KLHL42: variants seen among roughly 807,000 people sequenced by gnomAD.
The protein encoded by KLHL42 is kelch like family member 42.
Under a neutral mutation model 32.7 loss-of-function variants are expected in KLHL42, and 27 were observed. The observed-to-expected ratio is 0.83, with a 90% confidence interval of 0.61 to 1.14. The LOEUF (loss-of-function observed/expected upper bound fraction) is 1.14. Ranked by LOEUF, KLHL42 falls within the 50% of genes most tolerant of loss-of-function variation. The pLI is 0.00. For synonymous variants in KLHL42, 267 were observed against 248.2 expected (o/e 1.08, Z -0.71); for missense variants, 491 against 560.8 (o/e 0.88, Z 1.26).
Position 27,797,407 on chromosome 12 carries a change from G to A in KLHL42, c.1067-308G>A, listed in dbSNP as rs1418370266. ...GCACTTACTTTTTTTACACTGACCT[G>A]GTGGTTCAAAGGTGTGGGGATACCA... On this transcript the variant is annotated intron_variant, in intron 2 of 2. Transcript: ENST00000381271. 3 of 518,936 alleles carry A rather than the reference G, an allele frequency of 5.8e-6. No homozygotes were observed. The Admixed American group carries it at 6.8e-5, about 12-fold the overall frequency. The allele number at this position is 518,936 out of a possible 1,614,324, so 32.1% of individuals were successfully genotyped here.
rs1185983375 is a variant in KLHL42, at chr12:27,799,685, G to A, written c.*1519G>A. 6.6e-6 allele frequency: 1 copy of A among 152,648 alleles called. No individual in the cohort carries two copies. Among genetic ancestry groups the A allele is most frequent in the Non-Finnish European group, 1.5e-5 (1 of 68,048 alleles). The allele number at this position is 152,648 out of a possible 1,614,324, so 9.5% of individuals were successfully genotyped here. On this transcript the variant is annotated 3_prime_UTR_variant, in exon 3 of 3. Coordinates refer to ENST00000381271, the MANE Select transcript of KLHL42 (RefSeq NM_020782.2). ...TCAGTTTATTAGAGGAGTGACTACAGGTTTTCTTTACAACCATGGCCTCTA... is the reference window on the plus strand; with the variant it reads ...TCAGTTTATTAGAGGAGTGACTACAAGTTTTCTTTACAACCATGGCCTCTA...
chr12:27,792,585 G>A (rs4930973), intron 2 of KLHL42, among the ~76,000 whole-genome samples: 44,593 of 152,006 alleles, frequency 0.29, 7,181 homozygotes, highest in Non-Finnish European at 0.36. Context: ...GTGCAGTGGC[G>A]TGATCTCGGC....
chr12:27,782,114 G>A (rs1565481167), intron 1 of KLHL42, among the ~76,000 whole-genome samples: 1 of 152,182 alleles, frequency 6.6e-6, no homozygotes, highest in Non-Finnish European at 1.5e-5. Context: ...CCATCCACGT[G>A]TTTCCATCTC....
At position 27,799,868 on chromosome 12, in the gene KLHL42, T is replaced by G; in HGVS notation, c.*1702T>G. 2.0e-6 allele frequency: 1 copy of G among 502,216 alleles called. No individual in the cohort carries two copies. The highest frequency in any genetic ancestry group is 2.6e-6 in the Non-Finnish European group (1 of 388,356). 31.1% of individuals were successfully genotyped at this position (502,216 alleles called of 1,614,324 possible). A position where few individuals can be genotyped will look rare whatever the true frequency, so the allele number is the denominator to read the frequency against. ...ATCTTACCTCTAGTCTACTTACAAC[T>G]TTGTAAGGGTTTCTAAGCTATGCCC... On this transcript the variant is annotated 3_prime_UTR_variant, in exon 3 of 3. Transcript: ENST00000381271.
At position 27,800,351 on chromosome 12, in the gene KLHL42, GGT is replaced by G. The variant is rs1555112845; in HGVS notation, c.*2206_*2207del. ...GTTTGAGGTTGTGTGTGTGTGTGGG[GGT>G]GTGTGTGTGTGTGTGTGTGTATGTT... is the stretch of plus-strand genomic sequence containing the variant. On this transcript the variant is annotated 3_prime_UTR_variant, in exon 3 of 3. Coordinates refer to ENST00000381271, the MANE Select transcript of KLHL42 (RefSeq NM_020782.2). 13 of 932,120 alleles carry G rather than the reference GGT, an allele frequency of 1.4e-5. No individual in the cohort carries two copies. The highest frequency in any genetic ancestry group is 5.5e-4 in the Middle Eastern group (1 of 1,828). The allele number at this position is 932,120 out of a possible 1,614,324, so 57.7% of individuals were successfully genotyped here.
At position 27,798,169 on chromosome 12, in the gene KLHL42, G is replaced by C. The variant is rs375086883; in HGVS notation, c.*3G>C. 57 of 771,332 alleles carry C rather than the reference G, an allele frequency of 7.4e-5. No individual in the cohort carries two copies. In the African/African-American group the frequency reaches 9.4e-4, roughly 13 times the overall value. The allele number at this position is 771,332 out of a possible 1,614,324, so 47.8% of individuals were successfully genotyped here. A position where few individuals can be genotyped will look rare whatever the true frequency, so the allele number is the denominator to read the frequency against. On this transcript the variant is annotated 3_prime_UTR_variant, in exon 3 of 3. Transcript: ENST00000381271. The stretch of plus-strand genomic sequence containing the variant: ...TGCCCAATAAAGCAGAAACATGACT[G>C]AATTGAATTGGTAGATGAAAAAAAC...
Position 27,798,331 on chromosome 12 carries a change from A to G in KLHL42, c.*165A>G, listed in dbSNP as rs536868621. 1.1e-4 allele frequency: 58 copies of G among 550,910 alleles called. 1 individual carries two copies. In the South Asian group the frequency reaches 1.5e-3, roughly 14 times the overall value. The allele number at this position is 550,910 out of a possible 1,614,324, so 34.1% of individuals were successfully genotyped here. A position where few individuals can be genotyped will look rare whatever the true frequency, so the allele number is the denominator to read the frequency against. On this transcript the variant is annotated 3_prime_UTR_variant, in exon 3 of 3. Coordinates refer to ENST00000381271, the MANE Select transcript of KLHL42 (RefSeq NM_020782.2). ...GCTTACTTGAACTAATTACTTGAAA[A>G]CTGGTGGAAAAAAGAGACCAACTTT...
In KLHL42 at chr12:27,802,749, A is replaced by G. The variant is rs1182110972; in HGVS notation, c.*4583A>G. The G allele has an allele frequency of 6.6e-6, 1 of 152,602 alleles. No homozygotes were observed. Among genetic ancestry groups the G allele is most frequent in the African/African-American group, 2.4e-5 (1 of 41,436 alleles). The allele number at this position is 152,602 out of a possible 1,614,324, so 9.5% of individuals were successfully genotyped here. ...TTACGTTGTCATTTTTCCTATTAAA[A>G]AAAACCCTTAAGAATGGGGCACTTG... On this transcript the variant is annotated 3_prime_UTR_variant, in exon 3 of 3. Transcript: ENST00000381271.
intron 1 of KLHL42, among the ~76,000 whole-genome samples, chr12:27,785,900 T>C (rs762268117): frequency 3.9e-5 from 6 of 152,224 alleles, no homozygotes; most frequent in Admixed American, 3.3e-4. Context: ...ATAGTGAACA[T>C]TTTTACCTTG....
intron 2 of KLHL42, chr12:27,797,203 T>G (rs1384781908): frequency 4.4e-6 from 2 of 456,084 alleles, no homozygotes; most frequent in Admixed American, 4.7e-5. Flanking sequence ...GGTGAGACTT[T>G]GCTGCCTTTC....
At chr12:27,782,978 G>T (rs1295855522) in intron 1 of KLHL42, among the ~76,000 whole-genome samples, 2 of 152,024 alleles carry the variant, frequency 1.3e-5, no homozygotes, top group African/African-American at 4.8e-5. Flanking sequence ...TATAAATACA[G>T]TTAACCCTTA....
Position 27,800,962 on chromosome 12 carries a change from T to A in KLHL42, c.*2796T>A, listed in dbSNP as rs2062244830. On this transcript the variant is annotated 3_prime_UTR_variant, in exon 3 of 3. Transcript: ENST00000381271. ...ATGGTAGAGAGTCCTGTGTGTGGGT[T>A]GTTAGAAGGTTGGTTCTTCCTGTTA... The A allele has an allele frequency of 6.6e-6, 1 of 152,216 alleles. No homozygotes were observed. Among genetic ancestry groups the A allele is most frequent in the Non-Finnish European group, 1.5e-5 (1 of 68,036 alleles). 9.4% of individuals were successfully genotyped at this position (152,216 alleles called of 1,614,324 possible).
intron 2 of KLHL42, among the ~76,000 whole-genome samples, chr12:27,794,912 GA>G (rs571406816): frequency 1.5e-3 from 193 of 133,014 alleles, no homozygotes; most frequent in East Asian, 8.3e-3. Context: ...ACATATAATT[GA>G]AAAAAAAAAA....
intron 1 of KLHL42, among the ~76,000 whole-genome samples, chr12:27,787,127 G>T (rs771583654): frequency 6.6e-6 from 1 of 152,126 alleles, no homozygotes; most frequent in African/African-American, 2.4e-5. Flanking sequence ...TAGGCCAAGT[G>T]TGCAACACTG....
At chr12:27,797,419 G>T in intron 2 of KLHL42, 2 of 522,764 alleles carry the variant, frequency 3.8e-6, no homozygotes, top group East Asian at 4.6e-5. Flanking sequence ...TGGTTCAAAG[G>T]TGTGGGGATA....
rs562782440 is a variant in KLHL42 at position 27,799,738 on chromosome 12, A to G, written c.*1572A>G. The G allele has an allele frequency of 6.5e-6, 1 of 153,930 alleles. No homozygotes were observed. The highest frequency in any genetic ancestry group is 1.4e-5 in the Non-Finnish European group (1 of 69,212). 9.5% of individuals were successfully genotyped at this position (153,930 alleles called of 1,614,324 possible). A position where few individuals can be genotyped will look rare whatever the true frequency, so the allele number is the denominator to read the frequency against. ...ATACTTAAAATAAGCGTCCAGTTAT[A>G]AAAAGCCTATTTGCACAACTTTTTG... On this transcript the variant is annotated 3_prime_UTR_variant, in exon 3 of 3. Coordinates refer to ENST00000381271, the MANE Select transcript of KLHL42 (RefSeq NM_020782.2).
intron 2 of KLHL42, among the ~76,000 whole-genome samples, chr12:27,796,464 T>C (rs1419767054): frequency 6.6e-6 from 1 of 152,224 alleles, no homozygotes; most frequent in African/African-American, 2.4e-5. Flanking sequence ...TCATTCTGTT[T>C]ATAACTCAGA....
rs375277321 is a variant in KLHL42 at position 27,791,714 on chromosome 12, C to T, written c.879C>T (p.Asn293=). ...CTTTGTGTCTCTCTTTCAGGTCTAACTTCAAACTTGTGGCTGTTAATTCAA... is the reference window on the plus strand; with the variant it reads ...CTTTGTGTCTCTCTTTCAGGTCTAATTTCAAACTTGTGGCTGTTAATTCAA... ...QVASMNQKRS[N]FKLVAVNSKL... Residue 293 remains asparagine, a synonymous_variant, in exon 2 of 3, where the codon AAC becomes AAT. Coordinates refer to ENST00000381271, the MANE Select transcript of KLHL42 (RefSeq NM_020782.2). 3.1e-6 allele frequency: 5 copies of T among 1,613,662 alleles called. No individual in the cohort carries two copies. In the African/African-American group the frequency reaches 6.7e-5, roughly 22 times the overall value.
At position 27,802,004 on chromosome 12, in the gene KLHL42, C is replaced by T. The variant is rs114619503; in HGVS notation, c.*3838C>T. Reference sequence around the variant, plus strand: ...CCCACTTTTGTCTGGCACATTGGGGCTCGGTGGTCTGGTGGTCCCTTCGGT... The same window carrying T: ...CCCACTTTTGTCTGGCACATTGGGGTTCGGTGGTCTGGTGGTCCCTTCGGT... On this transcript the variant is annotated 3_prime_UTR_variant, in exon 3 of 3. Transcript: ENST00000381271. The T allele has an allele frequency of 6.6e-6, 1 of 152,116 alleles. No homozygotes were observed. The highest frequency in any genetic ancestry group is 1.5e-5 in the Non-Finnish European group (1 of 68,022). The allele number at this position is 152,116 out of a possible 1,614,324, so 9.4% of individuals were successfully genotyped here.
Sources: allele counts gnomAD v4.1 joint callset (sites outside exome capture counted in the v4.1 genomes callset), GRCh38; gene constraint gnomAD v4.1.1; transcripts MANE v1.5; gene names NCBI Gene and HGNC (gene_info 2026-07-23, HGNC 2026-07-21).